Variants in IFT140 observed in about 807,000 individuals in gnomAD.
IFT140 encodes the protein intraflagellar transport protein 140 homolog.
A neutral mutation model predicts 164.6 loss-of-function variants in IFT140; 133 were observed. That is an observed-to-expected ratio of 0.81 (90% CI 0.70 to 0.93). IFT140 has a LOEUF of 0.93. IFT140 is among the 40% of genes least tolerant of loss of function. The probability of loss-of-function intolerance (pLI) is 0.00; values close to 1 mark genes in which losing one functional copy is unlikely to be tolerated. For synonymous variants in IFT140, 860 were observed against 817.3 expected, an observed-to-expected ratio of 1.05 and a Z score of -0.89; for missense variants, 2,045 against 1,972.3, an observed-to-expected ratio of 1.04 and a Z score of -0.70.
intron 19 of IFT140, among the ~76,000 whole-genome samples, chr16:1,554,408 C>A (rs752810772): frequency 5.9e-5 from 9 of 152,196 alleles, no homozygotes; most frequent in Non-Finnish European, 1.0e-4. Flanking sequence ...AAGGCCCCCC[C>A]AAGTTGGTGT....
At chr16:1,523,731 C>T in intron 25 of IFT140, 31 bp from the exon 26 acceptor site, 2 of 1,607,522 alleles carry the variant, frequency 1.2e-6, no homozygotes, top group Non-Finnish European at 1.7e-6. Flanking sequence ...GAGCAGCTGC[C>T]CGAGGCCTGG....
chr16:1,528,357 G>A (rs1034461553), intron 19 of IFT140, among the ~76,000 whole-genome samples: 45 of 128,704 alleles, frequency 3.5e-4, no homozygotes, highest in Admixed American at 3.0e-4. Context: ...ATGCACGCAC[G>A]TGTGCACACA....
chr16:1,588,251 C>T (rs915341330), intron 7 of IFT140, among the ~76,000 whole-genome samples: 3 of 152,112 alleles, frequency 2.0e-5, no homozygotes, highest in East Asian at 1.9e-4. Context: ...CTGGGCCGGC[C>T]GCAGTGGCTC....
intron 26 of IFT140, 46 bp downstream of exon 26, chr16:1,523,472 C>T (rs373668527): frequency 1.1e-5 from 17 of 1,578,704 alleles, no homozygotes; most frequent in African/African-American, 8.1e-5. Context: ...AGACCTGAGC[C>T]GTGGTGCCTG....
At chr16:1,537,891 C>T (rs1049363638) in intron 19 of IFT140, among the ~76,000 whole-genome samples, 3 of 152,196 alleles carry the variant, frequency 2.0e-5, no homozygotes, top group Non-Finnish European at 2.9e-5. Context: ...ACACATCAAA[C>T]GGGCACGTAA....
At chr16:1,537,543 TCCTGTGG>T (rs2031198321) in intron 19 of IFT140, among the ~76,000 whole-genome samples, 1 of 152,188 alleles carries the variant, frequency 6.6e-6, no homozygotes, top group African/African-American at 2.4e-5. Flanking sequence ...GCCAGGGGTG[TCCTGTGG>T]CCTGTGGTGA....
intron 4 of IFT140, among the ~76,000 whole-genome samples, chr16:1,601,613 T>C (rs975688202): frequency 6.6e-6 from 1 of 152,222 alleles, no homozygotes; most frequent in Non-Finnish European, 1.5e-5. Context: ...GGAGGGTGGA[T>C]GCGTGTCCTT....
intron 4 of IFT140, among the ~76,000 whole-genome samples, chr16:1,596,244 C>G (rs1306894896): frequency 6.6e-6 from 1 of 151,284 alleles, no homozygotes; most frequent in East Asian, 2.0e-4. Context: ...CGCAGTGGCT[C>G]CCGTGTCTGC....
In IFT140 at chr16:1,592,333, G is replaced by A. The variant is rs896702540; in HGVS notation, c.492-15C>T. On this transcript the variant is annotated splice_polypyrimidine_tract_variant and intron_variant, in intron 5 of 30. Coordinates refer to ENST00000426508, the MANE Select transcript of IFT140 (RefSeq NM_014714.4). The stretch of plus-strand genomic sequence containing the variant: ...GAACCAGGTCCCTGAAAGCAAACAC[G>A]ACACGAAGCAAGATTCTTCTGCCAC... The A allele has an allele frequency of 6.2e-7, 1 of 1,613,900 alleles. No homozygotes were observed. Among genetic ancestry groups the A allele is most frequent in the African/African-American group, 1.3e-5 (1 of 74,894 alleles).
chr16:1,602,769 G>A (rs1389484141), intron 3 of IFT140, among the ~76,000 whole-genome samples, 178 bp from the exon 4 acceptor site: 3 of 152,168 alleles, frequency 2.0e-5, no homozygotes, highest in Admixed American at 6.5e-5. Flanking sequence ...GTGAAACTCC[G>A]TCTCTACTAA....
intron 3 of IFT140, chr16:1,604,318 G>GTGTGTGT (rs765604573): frequency 0.029 from 1,967 of 67,302 alleles, 56 homozygotes; most frequent in South Asian, 0.069. Flanking sequence ...TGTGTGTGTG[G>GTGTGTGT]AGGGGGGAGC....
At chr16:1,561,519 C>T (rs1401817471) in intron 18 of IFT140, among the ~76,000 whole-genome samples, 1 of 152,176 alleles carries the variant, frequency 6.6e-6, no homozygotes, top group East Asian at 1.9e-4. Flanking sequence ...TGCCTCCAGG[C>T]TGGGATTATG....
intron 4 of IFT140, among the ~76,000 whole-genome samples, chr16:1,601,139 G>A (rs375464132): frequency 1.6e-4 from 24 of 151,900 alleles, no homozygotes; most frequent in African/African-American, 4.6e-4. Context: ...TGGTGCATGC[G>A]TGTAATCCCA....
In IFT140 at chr16:1,564,256, G is replaced by A. The variant is rs145006158; in HGVS notation, c.1902-94C>T. The A allele has an allele frequency of 1.5e-4, 173 of 1,136,448 alleles. No homozygotes were observed. The African/African-American group carries it at 2.4e-3, about 16-fold the overall frequency. 70.4% of individuals were successfully genotyped at this position (1,136,448 alleles called of 1,614,324 possible). A position where few individuals can be genotyped will look rare whatever the true frequency, so the allele number is the denominator to read the frequency against. On this transcript the variant is annotated intron_variant, in intron 16 of 30. Coordinates refer to ENST00000426508, the MANE Select transcript of IFT140 (RefSeq NM_014714.4). This position sits in a 1 kb window ranked among gnomAD's most constrained non-coding sequence, Gnocchi z 5.5. ...CACATTCCCGAAGCCTCCAGGTGCT[G>A]TCCCAGACCATGGTGTCCACGCGCT...
At chr16:1,529,403 C>T (rs1047768131) in intron 19 of IFT140, among the ~76,000 whole-genome samples, 1 of 152,248 alleles carries the variant, frequency 6.6e-6, no homozygotes, top group Non-Finnish European at 1.5e-5. Context: ...GGGCTCCTCA[C>T]AGCACCTGGG....
At chr16:1,546,178 A>T (rs1165833800) in intron 19 of IFT140, among the ~76,000 whole-genome samples, 1 of 152,228 alleles carries the variant, frequency 6.6e-6, no homozygotes, top group Non-Finnish European at 1.5e-5. Context: ...AATGGAAGGT[A>T]AAAGGTCATT....
intron 15 of IFT140, among the ~76,000 whole-genome samples, chr16:1,567,345 TCAC>T (rs1008282435): frequency 1.3e-5 from 2 of 152,322 alleles, no homozygotes; most frequent in Non-Finnish European, 2.9e-5. Flanking sequence ...GCCCTGCCCT[TCAC>T]CACGAGTGCA....
At chr16:1,541,989 T>A in intron 19 of IFT140, 1 of 1,611,284 alleles carries the variant, frequency 6.2e-7, no homozygotes, top group Non-Finnish European at 8.5e-7. Flanking sequence ...CCAGCTCACC[T>A]TCCTCCTGGG....
chr16:1,596,546 A>G (rs1162144198), intron 4 of IFT140, among the ~76,000 whole-genome samples: 1 of 152,170 alleles, frequency 6.6e-6, no homozygotes, highest in East Asian at 1.9e-4. Flanking sequence ...GCCTGCGCCC[A>G]AAAGCAGAGA....
Sources: gnomAD v4.1 joint callset for allele counts (sites outside exome capture counted in the v4.1 genomes callset) on GRCh38, gnomAD v4.1.1 for gene constraint, Gnocchi (gnomAD v3.1) non-coding constraint, MANE v1.5 for transcripts, NCBI Gene and HGNC (gene_info 2026-07-23, HGNC 2026-07-21) for gene names.